The following AMN variants were observed in gnomAD, a reference collection of about 807,000 sequenced individuals.
AMN encodes protein amnionless.
In AMN, 40 loss-of-function variants were observed where a neutral mutation model predicts 49.1. The ratio of observed to expected loss-of-function variants is 0.81; its 90% CI spans 0.63 to 1.06. AMN has a LOEUF of 1.06. Among genes scored for constraint, AMN ranks in the 50% least tolerant of loss-of-function variants. The pLI, the probability that AMN is intolerant of heterozygous loss-of-function variation, is 0.00. For synonymous variants in AMN, 380 were observed against 313.3 expected (o/e 1.21, Z -2.25); for missense variants, 701 against 662.8 (o/e 1.06, Z -0.63).
chr14:102,930,100 C>T lies in AMN; in HGVS notation c.1006+14C>T. Reference sequence around the variant, plus strand: ...TCGCCGAGAACGGTAACCGCGCCCGCCCCATCCCGCCCCGCCGCGCCTCGC... The same window carrying T: ...TCGCCGAGAACGGTAACCGCGCCCGTCCCATCCCGCCCCGCCGCGCCTCGC... On this transcript the variant is annotated intron_variant, in intron 9 of 11. Transcript: ENST00000299155. 2.0e-6 allele frequency: 3 copies of T among 1,517,230 alleles called. No homozygotes were observed. The highest frequency in any genetic ancestry group is 2.6e-6 in the Non-Finnish European group (3 of 1,136,372). The allele number at this position is 1,517,230 out of a possible 1,614,324, so 94.0% of individuals were successfully genotyped here. A position where few individuals can be genotyped will look rare whatever the true frequency, so the allele number is the denominator to read the frequency against.
intron 1 of AMN, 59 bp downstream of exon 1, chr14:102,922,790 C>T (rs1595429685): frequency 1.9e-6 from 3 of 1,543,132 alleles, no homozygotes; most frequent in South Asian, 2.4e-5. Context: ...GGACCCAGGG[C>T]CGAGGTCGCT....
In AMN at chr14:102,929,108, C is replaced by G; in HGVS notation, c.514-13C>G. On this transcript the variant is annotated splice_polypyrimidine_tract_variant and intron_variant, in intron 5 of 11. Transcript: ENST00000299155. ...CCTCGGGCTGGCTCCGGTGGGGACC[C>G]GGCTGCCCGCAGACGTTCACGCGCG... 1.3e-6 allele frequency: 2 copies of G among 1,597,586 alleles called. No homozygotes were observed. The highest frequency in any genetic ancestry group is 1.7e-6 in the Non-Finnish European group (2 of 1,179,612).
Position 102,930,781 on chromosome 14 carries a change from C to CT in AMN, c.*104dup. ...CGTCCAGCCCCCAAACCTCCCCTTC[C>CT]TTTCCCCCTCCTCCGGGGGCCAAGG... On this transcript the variant is annotated 3_prime_UTR_variant, in exon 12 of 12. Transcript: ENST00000299155. 1 of 1,307,648 alleles carries CT rather than the reference C, an allele frequency of 7.6e-7. No individual in the cohort carries two copies. Among genetic ancestry groups the CT allele is most frequent in the South Asian group, 1.3e-5 (1 of 78,716 alleles). 81.0% of individuals were successfully genotyped at this position (1,307,648 alleles called of 1,614,324 possible).
In AMN at chr14:102,928,425, G is replaced by A; in HGVS notation, c.208-1G>A. 1 of 1,597,282 alleles carries A rather than the reference G, an allele frequency of 6.3e-7. No homozygotes were observed. The highest frequency in any genetic ancestry group is 8.5e-7 in the Non-Finnish European group (1 of 1,173,576). ...GCCGCCTCAGCCCGTGTCTCTTGCA[G>A]CTCCTGCCGCTGGATGGGGAACTCG... On this transcript the variant is annotated splice_acceptor_variant, in intron 3 of 11. Transcript: ENST00000299155. LOFTEE classifies it high-confidence loss of function.
At chr14:102,928,684 C>T (rs902031239) in intron 4 of AMN, 74 bp from the exon 5 acceptor site, 1 of 1,501,572 alleles carries the variant, frequency 6.7e-7, no homozygotes, top group Admixed American at 1.9e-5. Context: ...TGCTCAGACG[C>T]GTGGCGTGGC....
At chr14:102,930,133 CGG>C (rs1160523556) in intron 9 of AMN, 30 bp from the exon 10 acceptor site, 7 of 1,500,450 alleles carry the variant, frequency 4.7e-6, no homozygotes, top group Non-Finnish European at 5.3e-6. Flanking sequence ...CGCCCCGCCG[CGG>C]GGAAGACTGA....
chr14:102,923,932 C>T lies in AMN; in HGVS notation c.163-3C>T, dbSNP rs746289915. The T allele has an allele frequency of 1.4e-5, 23 of 1,613,066 alleles. No individual in the cohort carries two copies. The highest frequency in any genetic ancestry group is 8.0e-5 in the African/African-American group (6 of 74,934). On this transcript the variant is annotated splice_region_variant and splice_polypyrimidine_tract_variant and intron_variant, in intron 2 of 11. Coordinates refer to ENST00000299155, the MANE Select transcript of AMN (RefSeq NM_030943.4). ...GCTCGGCTGAGGCAGCTTCTTCCTG[C>T]AGATGGTGTCAGTCCTGGTGCAAGA...
chr14:102,929,511 C>G lies in AMN; in HGVS notation c.735C>G (p.Pro245=), dbSNP rs546245909. The change falls in exon 7 of 12, where the codon CCC becomes CCG. Residue 245 remains proline (P), a synonymous_variant. Transcript: ENST00000299155. ...PQAACHSALR[P]QGQCCDLCGA... is the part of the protein sequence containing the mutation. Reference sequence around the variant, plus strand: ...CCGCCTGCCACAGCGCCCTCCGGCCCCAGGGGCAGTGCTGTGACCTCTGTG... The same window carrying G: ...CCGCCTGCCACAGCGCCCTCCGGCCGCAGGGGCAGTGCTGTGACCTCTGTG... 6.5e-7 allele frequency: 1 copy of G among 1,535,038 alleles called. No homozygotes were observed. Among genetic ancestry groups the G allele is most frequent in the Non-Finnish European group, 8.7e-7 (1 of 1,145,888 alleles).
rs780518726 is a variant in AMN at position 102,928,763 on chromosome 14, C to T, written c.301C>T (p.Pro101Ser). ...AGGGATGTGCTCCGGCTCAGGCGAA[C>T]CTGCCGTCTTCCGCGACTCTGACCG... ...GSHLDCGAGE[P>S]AVFRDSDRFS... The change falls in exon 5 of 12, where the codon CCT becomes TCT. Residue 101 changes from proline to serine, a missense_variant. Transcript: ENST00000299155. 4 of 1,607,836 alleles carry T rather than the reference C, an allele frequency of 2.5e-6. No individual in the cohort carries two copies. Among genetic ancestry groups the T allele is most frequent in the Admixed American group, 1.7e-5 (1 of 59,952 alleles).
intron 1 of AMN, 145 bp downstream of exon 1, chr14:102,922,876 C>T: frequency 8.6e-7 from 1 of 1,166,476 alleles, no homozygotes; most frequent in Non-Finnish European, 1.2e-6. Flanking sequence ...GAAACTCGGC[C>T]CTGCCTCCCT....
chr14:102,927,033 C>T (rs1891203971), intron 3 of AMN, among the ~76,000 whole-genome samples: 1 of 152,180 alleles, frequency 6.6e-6, no homozygotes, highest in Admixed American at 6.5e-5. Flanking sequence ...GCTGGGACTA[C>T]AGGCTTGTGC....
chr14:102,929,479 C>G lies in AMN; in HGVS notation c.703C>G (p.Pro235Ala), dbSNP rs947871053. 9.3e-5 allele frequency: 142 copies of G among 1,532,002 alleles called. No homozygotes were observed. Among genetic ancestry groups the G allele is most frequent in the Non-Finnish European group, 1.1e-4 (129 of 1,145,322 alleles). 94.9% of individuals were successfully genotyped at this position (1,532,002 alleles called of 1,614,324 possible). A position where few individuals can be genotyped will look rare whatever the true frequency, so the allele number is the denominator to read the frequency against. Residue 235 changes from proline to alanine, a missense_variant, in exon 7 of 12, where the codon CCC (proline) becomes GCC (alanine). Pro to Ala is a conservative substitution (Grantham distance 27). Coordinates refer to ENST00000299155, the MANE Select transcript of AMN (RefSeq NM_030943.4). ...GCTCCAGCCCCTGGGCGGCCGCTGC[C>G]CCCAGGCCGCCTGCCACAGCGCCCT... is the stretch of plus-strand genomic sequence containing the variant. The part of the protein sequence containing the change: ...ALLQPLGGRC[P>A]QAACHSALRP...
Position 102,930,144 on chromosome 14 carries a change from G to A in AMN, c.1007-21G>A, listed in dbSNP as rs745712805. The A allele has an allele frequency of 1.3e-5, 20 of 1,495,638 alleles. No homozygotes were observed. The South Asian group carries it at 2.5e-4, about 19-fold the overall frequency. 92.6% of individuals were successfully genotyped at this position (1,495,638 alleles called of 1,614,324 possible). A position where few individuals can be genotyped will look rare whatever the true frequency, so the allele number is the denominator to read the frequency against. ...GCCTCGCCCCGCCGCGGGGAAGACT[G>A]AGCCGGCCCCTCCGTCGCAGGCGAG... On this transcript the variant is annotated intron_variant, in intron 9 of 11. Transcript: ENST00000299155.
At position 102,922,699 on chromosome 14, in the gene AMN, TG is replaced by T. The variant is rs386834168; in HGVS notation, c.14del (p.Gly5AlafsTer12). 1.5e-5 allele frequency: 24 copies of T among 1,598,768 alleles called. No homozygotes were observed. Among genetic ancestry groups the T allele is most frequent in the Non-Finnish European group, 2.0e-5 (23 of 1,175,598 alleles). On this transcript the variant is annotated frameshift_variant, in exon 1 of 12. Coordinates refer to ENST00000299155, the MANE Select transcript of AMN (RefSeq NM_030943.4). LOFTEE classifies it high-confidence loss of function. ...AGGAGCCGAGGCGAGATGGGCGTCC[TG>T]GGCCGGGTCCTGCTGTGGCTGCAGC... Reference protein sequence around the residue: MGVLGRVLLWLQLC... With the variant: MGVXGRVLLWLQLC...
Position 102,930,609 on chromosome 14 carries a change from G to A in AMN, c.1291G>A (p.Ala431Thr). The change falls in exon 12 of 12, where the codon GCG becomes ACG. Residue 431 changes from alanine to threonine, a missense_variant. Coordinates refer to ENST00000299155, the MANE Select transcript of AMN (RefSeq NM_030943.4). ...LPRRLSLVPK[A>T]AADSTSHSYF... ...GCGGCGGCTCAGCCTGGTTCCGAAG[G>A]CGGCCGCAGACAGCACCAGCCACAG... 1 of 1,590,764 alleles carries A rather than the reference G, an allele frequency of 6.3e-7. No individual in the cohort carries two copies.
At chr14:102,926,229 C>T (rs367952584) in intron 3 of AMN, among the ~76,000 whole-genome samples, 2 of 152,226 alleles carry the variant, frequency 1.3e-5, no homozygotes, top group South Asian at 2.1e-4. Flanking sequence ...GCTCCTCAGT[C>T]ACAATGGTAA....
chr14:102,922,756 G>A (rs752010055), intron 1 of AMN, 25 bp downstream of exon 1: 25 of 1,569,876 alleles, frequency 1.6e-5, no homozygotes, highest in Non-Finnish European at 1.9e-5. Context: ...CACCGGTGCG[G>A]GCCCGGACGG....
chr14:102,928,682 C>G, intron 4 of AMN, 76 bp from the exon 5 acceptor site: 1 of 1,536,464 alleles, frequency 6.5e-7, no homozygotes. Flanking sequence ...CGTGCTCAGA[C>G]GCGTGGCGTG....
At chr14:102,926,680 G>C (rs965361101) in intron 3 of AMN, among the ~76,000 whole-genome samples, 3 of 143,328 alleles carry the variant, frequency 2.1e-5, no homozygotes, top group Admixed American at 7.3e-5. Context: ...TCTGCCTCCC[G>C]GGCTCAAGCG....
Sources: gnomAD v4.1 joint callset for allele counts (sites outside exome capture counted in the v4.1 genomes callset) on GRCh38, gnomAD v4.1.1 for gene constraint, MANE v1.5 for transcripts, NCBI Gene and HGNC (gene_info 2026-07-23, HGNC 2026-07-21) for gene names.